FLT3: variants seen among roughly 807,000 people sequenced by gnomAD.
The protein encoded by FLT3 is receptor-type tyrosine-protein kinase FLT3.
In FLT3, 46 loss-of-function variants were observed where a neutral mutation model predicts 126.6. The ratio of observed to expected loss-of-function variants is 0.36; its 90% CI spans 0.29 to 0.46. The LOEUF is 0.46. Ranked by LOEUF, FLT3 falls within the 20% of genes least tolerant of loss-of-function variation. The probability of loss-of-function intolerance (pLI) is 1.00; values close to 1 mark genes in which losing one functional copy is unlikely to be tolerated. For synonymous variants in FLT3, 404 were observed against 434.4 expected (o/e 0.93, Z 0.87); for missense variants, 1,069 against 1,190.3 (o/e 0.90, Z 1.50).
rs1486101941 is a variant in FLT3, at chr13:28,036,035, G to A, written c.1318C>T (p.Gln440Ter). The change falls in exon 11 of 24, where the codon CAA becomes TAA. Residue 440 changes from glutamine to a stop codon, truncating the protein, a stop_gained. Coordinates refer to ENST00000241453, the MANE Select transcript of FLT3 (RefSeq NM_004119.3). LOFTEE classifies it high-confidence loss of function. The part of the protein sequence containing the change: ...MFTLNIRRKP[Q>*]VLAEASASQA... ...CTTGCCGATGCTTCTGCGAGCACTT[G>A]AGGTTTCCCTATAGAAAAGAACGTG... 1 of 1,613,926 alleles carries A rather than the reference G, an allele frequency of 6.2e-7. No individual in the cohort carries two copies. The highest frequency in any genetic ancestry group is 1.7e-5 in the Admixed American group (1 of 59,998).
At chr13:28,060,795 G>A (rs2137765114) in intron 3 of FLT3, among the ~76,000 whole-genome samples, 1 of 151,632 alleles carries the variant, frequency 6.6e-6, no homozygotes, top group South Asian at 2.1e-4. Context: ...AGTAGAGATG[G>A]GGTTTCACCA....
Position 28,018,476 on chromosome 13 carries a change from G to T in FLT3, c.2532C>A (p.Val844=). 1 of 1,614,036 alleles carries T rather than the reference G, an allele frequency of 6.2e-7. No homozygotes were observed. Among genetic ancestry groups the T allele is most frequent in the South Asian group, 1.1e-5 (1 of 91,058 alleles). Reference sequence around the variant, plus strand: ...GAAATAGCAGCCTCACATTGCCCCTGACAACATAGTTGGAATCACTCATGA... The same window carrying T: ...GAAATAGCAGCCTCACATTGCCCCTTACAACATAGTTGGAATCACTCATGA... ...RDIMSDSNYV[V]RGNARLPVKW... The change falls in exon 20 of 24, where the codon GTC becomes GTA. Residue 844 remains valine (V), a synonymous_variant. Coordinates refer to ENST00000241453, the MANE Select transcript of FLT3 (RefSeq NM_004119.3).
intron 23 of FLT3, among the ~76,000 whole-genome samples, chr13:28,008,840 T>C (rs373714982): frequency 8.7e-4 from 132 of 152,318 alleles, no homozygotes; most frequent in African/African-American, 3.0e-3. Context: ...TTTTATTACA[T>C]TGTATTGAGA....
At chr13:28,051,750 G>A (rs984419622) in intron 5 of FLT3, among the ~76,000 whole-genome samples, 18 of 150,760 alleles carry the variant, frequency 1.2e-4, no homozygotes, top group Admixed American at 3.3e-4. Context: ...GTTTCACCAT[G>A]TTAGCCAGGA....
chr13:28,024,218 G>A (rs566084635), intron 18 of FLT3, among the ~76,000 whole-genome samples: 1 of 148,382 alleles, frequency 6.7e-6, no homozygotes, highest in Admixed American at 6.8e-5. Context: ...TGCAACCTCT[G>A]CCTCTTGGGT....
At chr13:28,045,934 CAAAAAAA>C (rs57916548) in intron 9 of FLT3, among the ~76,000 whole-genome samples, 1 of 122,798 alleles carries the variant, frequency 8.1e-6, no homozygotes, top group Non-Finnish European at 1.6e-5. Flanking sequence ...CAATGGTTCT[CAAAAAAA>C]AAAAAAAAAA....
At chr13:28,091,808 G>A (rs909913344) in intron 1 of FLT3, among the ~76,000 whole-genome samples, 19 of 152,058 alleles carry the variant, frequency 1.2e-4, no homozygotes, top group Admixed American at 4.6e-4. Flanking sequence ...CCAGGATTAC[G>A]CCTGTAATCC....
intron 9 of FLT3, among the ~76,000 whole-genome samples, chr13:28,042,188 T>TAATAATAATAATAATAATAAA (rs1555255326): frequency 7.3e-6 from 1 of 136,700 alleles, no homozygotes; most frequent in Non-Finnish European, 1.6e-5. Flanking sequence ...ATAATAATAA[T>TAATAATAATAATAATAATAAA]AAATAAAAAT....
chr13:28,048,413 C>T lies in FLT3; in HGVS notation c.1067G>A (p.Ser356Asn), dbSNP rs776892297. 2.5e-6 allele frequency: 4 copies of T among 1,609,524 alleles called. No individual in the cohort carries two copies. Among genetic ancestry groups the T allele is most frequent in the Admixed American group, 1.7e-5 (1 of 59,970 alleles). ...ATATTGGTCAATTTCATAATCTTCA[C>T]TTGAATTGGTAGCATTTATAAATCC... The part of the protein sequence containing the change: ...EKGFINATNS[S>N]EDYEIDQYEE... The change falls in exon 9 of 24, where the codon AGT (serine) becomes AAT (asparagine). Residue 356 changes from serine (S) to asparagine (N), a missense_variant. By Grantham distance (46) the Ser-to-Asn change is conservative. Transcript: ENST00000241453.
chr13:28,058,712 G>A (rs142466835), intron 3 of FLT3, among the ~76,000 whole-genome samples: 1 of 152,112 alleles, frequency 6.6e-6, no homozygotes, highest in South Asian at 2.1e-4. Context: ...CCAAATACAG[G>A]TTATATTCGA....
chr13:28,079,879 T>G (rs971549914), intron 1 of FLT3, among the ~76,000 whole-genome samples: 1 of 151,936 alleles, frequency 6.6e-6, no homozygotes, highest in Non-Finnish European at 1.5e-5. Context: ...CTTCCACTCA[T>G]GACAGAAGGG....
chr13:28,070,446 C>T, intron 2 of FLT3, 45 bp downstream of exon 2: 1 of 1,558,208 alleles, frequency 6.4e-7, no homozygotes, highest in Non-Finnish European at 8.8e-7. Context: ...AAATTACGTT[C>T]TCTAGAGAAA....
chr13:28,052,925 T>C (rs950270614), intron 4 of FLT3, among the ~76,000 whole-genome samples: 2 of 152,170 alleles, frequency 1.3e-5, no homozygotes, highest in African/African-American at 4.8e-5. Context: ...CACAGCTAAC[T>C]AAAGTAGTCG....
In FLT3 at chr13:28,070,522, G is replaced by A; in HGVS notation, c.134C>T (p.Ser45Leu). Residue 45 changes from serine to leucine, a missense_variant, in exon 2 of 24, where the codon TCA becomes TTA. Physicochemically the swap from Ser to Leu is moderately radical, Grantham distance 145. Transcript: ENST00000241453. ...ATATGATGATGACTTCCCCACTGATGAATCATTGTTCTTATGATTGATTAA... is the reference window on the plus strand; with the variant it reads ...ATATGATGATGACTTCCCCACTGATAAATCATTGTTCTTATGATTGATTAA... ...CVLINHKNND[S>L]SVGKSSSYPM... 6.2e-7 allele frequency: 1 copy of A among 1,606,676 alleles called. No individual in the cohort carries two copies. Among genetic ancestry groups the A allele is most frequent in the Non-Finnish European group, 8.5e-7 (1 of 1,173,834 alleles).
chr13:28,027,083 C>G lies in FLT3; in HGVS notation c.2207+5G>C, dbSNP rs1279626095. 1.2e-6 allele frequency: 2 copies of G among 1,612,862 alleles called. No individual in the cohort carries two copies. The highest frequency in any genetic ancestry group is 1.7e-6 in the Non-Finnish European group (2 of 1,179,442). Reference sequence around the variant, plus strand: ...TAATTACGAAACCCTGACCCAGCCTCTTACCTGGAATTTGGATGTGATTGG... The same window carrying G: ...TAATTACGAAACCCTGACCCAGCCTGTTACCTGGAATTTGGATGTGATTGG... On this transcript the variant is annotated splice_donor_5th_base_variant and intron_variant, in intron 17 of 23. Coordinates refer to ENST00000241453, the MANE Select transcript of FLT3 (RefSeq NM_004119.3).
chr13:28,015,198 A>G lies in FLT3; in HGVS notation c.2712T>C (p.Asn904=), dbSNP rs752745594. ...VDANFYKLIQ[N]GFKMDQPFYA... is the part of the protein sequence containing the mutation. ...AAAATGGCTGATCCATTTTAAATCC[A>G]TTTTGAATCAGTTTGTAGAAGTTAG... The change falls in exon 22 of 24, where the codon AAT becomes AAC. Residue 904 remains asparagine (N), a synonymous_variant. Transcript: ENST00000241453. The G allele has an allele frequency of 2.5e-6, 4 of 1,612,452 alleles. No homozygotes were observed. The highest frequency in any genetic ancestry group is 2.5e-6 in the Non-Finnish European group (3 of 1,178,726).
At chr13:28,094,698 G>A (rs896956068) in intron 1 of FLT3, among the ~76,000 whole-genome samples, 44 of 152,052 alleles carry the variant, frequency 2.9e-4, no homozygotes, top group Admixed American at 2.4e-3. Flanking sequence ...ACTGGGTCTC[G>A]CTGTATTGCC....
chr13:28,075,181 C>T (rs969740568), intron 1 of FLT3, among the ~76,000 whole-genome samples: 4 of 152,074 alleles, frequency 2.6e-5, no homozygotes, highest in African/African-American at 7.2e-5. Context: ...ATGATTAAAT[C>T]AAGCTAATTA....
intron 1 of FLT3, among the ~76,000 whole-genome samples, chr13:28,095,639 T>G (rs191236890): frequency 2.4e-4 from 37 of 152,310 alleles, no homozygotes; most frequent in Admixed American, 5.2e-4. Flanking sequence ...AATGATAAAA[T>G]ACAATACTCT....
Sources: allele counts gnomAD v4.1 joint callset (sites outside exome capture counted in the v4.1 genomes callset), GRCh38; gene constraint gnomAD v4.1.1; transcripts MANE v1.5; gene names NCBI Gene and HGNC (gene_info 2026-07-23, HGNC 2026-07-21).